The following DNAJC12 variants were observed in gnomAD, a reference collection of about 807,000 sequenced individuals.
The protein encoded by DNAJC12 is DnaJ heat shock protein family (Hsp40) member C12, also known as dnaJ homolog subfamily C member 12.
A neutral mutation model predicts 28.5 loss-of-function variants in DNAJC12; 25 were observed. The observed-to-expected ratio is 0.88, with a 90% CI of 0.64 to 1.22. The LOEUF is 1.22. Among genes scored for constraint, DNAJC12 ranks in the 50% most tolerant of loss-of-function variants. The pLI is 0.00. For missense variants in DNAJC12, 222 were observed against 231.7 expected, an observed-to-expected ratio of 0.96 and a Z score of 0.27; for synonymous variants, 77 against 80.6, an observed-to-expected ratio of 0.95 and a Z score of 0.24.
At chr10:67,831,622 C>A (rs1842094297) in intron 1 of DNAJC12, among the ~76,000 whole-genome samples, 1 of 152,182 alleles carries the variant, frequency 6.6e-6, no homozygotes, top group Non-Finnish European at 1.5e-5. Flanking sequence ...TTCAGATATT[C>A]TTTCTTTAAT....
At chr10:67,806,824 CAAAAAA>C (rs11364394) in intron 3 of DNAJC12, among the ~76,000 whole-genome samples, 1 of 122,052 alleles carries the variant, frequency 8.2e-6, no homozygotes, top group Non-Finnish European at 1.8e-5. Flanking sequence ...GACTCGGTCT[CAAAAAA>C]AAAAAAAAAG....
intron 4 of DNAJC12, among the ~76,000 whole-genome samples, chr10:67,797,806 C>T (rs980076559): frequency 6.6e-6 from 1 of 152,052 alleles, no homozygotes; most frequent in Non-Finnish European, 1.5e-5. Context: ...TTTGGGAGGC[C>T]AAGGCGGGCG....
At chr10:67,807,613 G>A (rs1247399055) in intron 3 of DNAJC12, among the ~76,000 whole-genome samples, 2 of 152,188 alleles carry the variant, frequency 1.3e-5, no homozygotes, top group Non-Finnish European at 2.9e-5. Flanking sequence ...AAGGATATTA[G>A]GAAGGTTAGT....
chr10:67,806,608 G>A (rs1168270575), intron 3 of DNAJC12, among the ~76,000 whole-genome samples: 3 of 152,138 alleles, frequency 2.0e-5, no homozygotes, highest in African/African-American at 7.2e-5. Context: ...TGGATCATTT[G>A]AGGCAAGGAG....
intron 4 of DNAJC12, among the ~76,000 whole-genome samples, chr10:67,800,465 A>T (rs1050497105): frequency 2.0e-5 from 3 of 152,090 alleles, no homozygotes; most frequent in African/African-American, 7.2e-5. Flanking sequence ...TCCACTCATT[A>T]TTGTCATCCA....
chr10:67,811,388 G>A (rs1243397301), intron 3 of DNAJC12, 136 bp downstream of exon 3: 4 of 1,506,498 alleles, frequency 2.7e-6, no homozygotes, highest in Non-Finnish European at 3.5e-6. Flanking sequence ...TACGGACACT[G>A]AATTATATCC....
chr10:67,820,001 C>T (rs565386408), intron 2 of DNAJC12, among the ~76,000 whole-genome samples: 4 of 152,290 alleles, frequency 2.6e-5, no homozygotes, highest in African/African-American at 7.2e-5. Flanking sequence ...TACTGCCTGA[C>T]GTACAGGGTG....
chr10:67,816,401 TA>T (rs928225944), intron 2 of DNAJC12, among the ~76,000 whole-genome samples: 38 of 149,494 alleles, frequency 2.5e-4, no homozygotes, highest in South Asian at 6.3e-4. Flanking sequence ...GACTATAAAG[TA>T]AAAAAAAAAT....
In DNAJC12 at chr10:67,822,851, T is replaced by C. The variant is rs550767940; in HGVS notation, c.157+463A>G. Reference sequence around the variant, plus strand: ...AAAAATACAAAAAAAAAAAATTAGCTGGGCATGGTGGTGCACGCCTGTAGT... The same window carrying C: ...AAAAATACAAAAAAAAAAAATTAGCCGGGCATGGTGGTGCACGCCTGTAGT... On this transcript the variant is annotated intron_variant, in intron 2 of 4. Transcript: ENST00000225171. Among the ~76,000 whole-genome samples, 732 of 151,660 alleles carry C rather than the reference T, an allele frequency of 4.8e-3. 9 individuals carry two copies. The highest frequency in any genetic ancestry group is 0.017 in the African/African-American group (683 of 41,356).
intron 2 of DNAJC12, among the ~76,000 whole-genome samples, chr10:67,815,218 G>A (rs1841901131): frequency 6.6e-6 from 1 of 152,168 alleles, no homozygotes. Context: ...TTGAAAATAT[G>A]CTAAATGAGG....
chr10:67,805,990 C>T (rs1005092833), intron 3 of DNAJC12, among the ~76,000 whole-genome samples: 1 of 152,040 alleles, frequency 6.6e-6, no homozygotes, highest in Non-Finnish European at 1.5e-5. Context: ...CACCATACAC[C>T]CTTTTGTACC....
At chr10:67,807,799 G>A (rs1841818318) in intron 3 of DNAJC12, among the ~76,000 whole-genome samples, 1 of 152,172 alleles carries the variant, frequency 6.6e-6, no homozygotes, top group Non-Finnish European at 1.5e-5. Flanking sequence ...TAGGATTAAT[G>A]TCTAATCCAC....
At position 67,832,265 on chromosome 10, in the gene DNAJC12, CAA is replaced by C. The variant is rs200725436; in HGVS notation, c.78+5667_78+5668del. On this transcript the variant is annotated intron_variant, in intron 1 of 4. Coordinates refer to ENST00000225171, the MANE Select transcript of DNAJC12 (RefSeq NM_021800.3). Reference sequence around the variant, plus strand: ...GGGCAACAAGAGTGAAACTCCATCTCAAAAAAAAAAAAAAAAGAAAAGAAAGA... The same window carrying C: ...GGGCAACAAGAGTGAAACTCCATCTCAAAAAAAAAAAAAAGAAAAGAAAGA... Among the ~76,000 whole-genome samples the C allele has an allele frequency of 5.2e-3, 352 of 67,374 alleles. 1 individual carries two copies. Among genetic ancestry groups the C allele is most frequent in the African/African-American group, 0.018 (335 of 18,658 alleles). The allele number at this position is 67,374 out of a possible 152,430, so 44.2% of individuals were successfully genotyped here.
chr10:67,828,223 T>C (rs1437428089), intron 1 of DNAJC12, among the ~76,000 whole-genome samples: 1 of 152,194 alleles, frequency 6.6e-6, no homozygotes, highest in Non-Finnish European at 1.5e-5. Context: ...GGCGAGGATG[T>C]AAATAGGTAT....
chr10:67,833,950 C>T (rs762105762), intron 1 of DNAJC12: 283 of 467,280 alleles, frequency 6.1e-4, no homozygotes, highest in Non-Finnish European at 1.1e-3. Context: ...AAACAAGAAG[C>T]AGCATTAATG....
intron 2 of DNAJC12, 61 bp downstream of exon 2, chr10:67,823,253 C>T (rs2131807899): frequency 7.3e-7 from 1 of 1,376,848 alleles, no homozygotes; most frequent in Non-Finnish European, 1.0e-6. Context: ...TTACTATTCA[C>T]TGGCTTTTGG....
At chr10:67,811,439 A>T in intron 3 of DNAJC12, 85 bp downstream of exon 3, 2 of 1,577,466 alleles carry the variant, frequency 1.3e-6, no homozygotes, top group Non-Finnish European at 1.7e-6. Context: ...CCTATCGCCT[A>T]ATGACTCTTT....
At chr10:67,836,170 G>A (rs1372131379) in intron 1 of DNAJC12, among the ~76,000 whole-genome samples, 1 of 152,050 alleles carries the variant, frequency 6.6e-6, no homozygotes, top group Non-Finnish European at 1.5e-5. Context: ...GACACAGGCA[G>A]GGGAACATCA....
chr10:67,819,823 T>A (rs1841966173), intron 2 of DNAJC12, among the ~76,000 whole-genome samples: 1 of 108,078 alleles, frequency 9.3e-6, no homozygotes. Flanking sequence ...GAAGGAATGT[T>A]TATGCATTCA....
Sources: allele counts gnomAD v4.1 joint callset (sites outside exome capture counted in the v4.1 genomes callset), GRCh38; gene constraint gnomAD v4.1.1; transcripts MANE v1.5; gene names NCBI Gene and HGNC (gene_info 2026-07-23, HGNC 2026-07-21).